Variants in PPP1R1C observed in about 807,000 individuals in gnomAD.
PPP1R1C encodes the protein protein phosphatase 1 regulatory subunit 1C.
In PPP1R1C, 15 loss-of-function variants were observed where a neutral mutation model predicts 17.4. The observed-to-expected ratio is 0.86, with a 90% CI of 0.58 to 1.33. The LOEUF (loss-of-function observed/expected upper bound fraction) is 1.33, where lower values mean the gene tolerates loss of function less well. PPP1R1C is among the 40% of genes most tolerant of loss of function. PPP1R1C has a pLI of 0.00. For missense variants in PPP1R1C, 143 were observed against 130.0 expected (o/e 1.10, Z -0.48); for synonymous variants, 35 against 43.1 (o/e 0.81, Z 0.73).
intron 1 of PPP1R1C, among the ~76,000 whole-genome samples, chr2:181,974,404 A>T (rs1685061874): frequency 6.6e-6 from 1 of 152,226 alleles, no homozygotes; most frequent in South Asian, 2.1e-4. Flanking sequence ...ATTTCACAAA[A>T]CAACCAGAAA....
intron 4 of PPP1R1C, among the ~76,000 whole-genome samples, chr2:182,077,971 G>A (rs891386283): frequency 6.6e-6 from 1 of 152,192 alleles, no homozygotes; most frequent in Non-Finnish European, 1.5e-5. Flanking sequence ...GAGATCAGGA[G>A]TTTGAGACCA....
At chr2:181,956,301 A>G (rs1469602204) in intron 1 of PPP1R1C, among the ~76,000 whole-genome samples, 1 of 152,140 alleles carries the variant, frequency 6.6e-6, no homozygotes, top group African/African-American at 2.4e-5. Flanking sequence ...TCTATCATTG[A>G]TGGGCATTTG....
chr2:182,065,356 T>A (rs1687957210), intron 4 of PPP1R1C, among the ~76,000 whole-genome samples: 1 of 152,148 alleles, frequency 6.6e-6, no homozygotes, highest in African/African-American at 2.4e-5. Flanking sequence ...GGTTTACCTG[T>A]CCCTAAGAGC....
intron 2 of PPP1R1C, among the ~76,000 whole-genome samples, chr2:182,018,926 T>C (rs1686337373): frequency 6.6e-6 from 1 of 152,244 alleles, no homozygotes; most frequent in African/African-American, 2.4e-5. Context: ...GTATGGATAA[T>C]TGGGTAATTA....
At chr2:181,968,211 A>G (rs1684940396) in intron 1 of PPP1R1C, among the ~76,000 whole-genome samples, 1 of 152,166 alleles carries the variant, frequency 6.6e-6, no homozygotes, top group Admixed American at 6.5e-5. Context: ...TTTTGGGACC[A>G]TTTGGTCTGT....
intron 1 of PPP1R1C, among the ~76,000 whole-genome samples, chr2:181,955,732 A>C (rs1053967965): frequency 3.9e-5 from 6 of 152,200 alleles, no homozygotes; most frequent in Non-Finnish European, 8.8e-5. Context: ...CTTATACACT[A>C]TCTTTTTCAT....
chr2:181,994,302 GA>G (rs1367152410), intron 2 of PPP1R1C, among the ~76,000 whole-genome samples: 1 of 151,552 alleles, frequency 6.6e-6, no homozygotes. Flanking sequence ...TATGTAGAAA[GA>G]AAAAAAATGT....
upstream of PPP1R1C, among the ~76,000 whole-genome samples, chr2:181,983,766 T>C (rs2125137960): frequency 1.3e-5 from 2 of 152,296 alleles, no homozygotes; most frequent in East Asian, 3.9e-4. Flanking sequence ...TTATGATAAA[T>C]AGAGTTATGC....
chr2:182,031,123 A>T (rs1329102904), intron 2 of PPP1R1C: 1 of 156,098 alleles, frequency 6.4e-6, no homozygotes, highest in African/African-American at 2.4e-5. Flanking sequence ...GGCACTCCCT[A>T]GTGAGATGAA....
chr2:182,052,749 C>T (rs1687564228), intron 2 of PPP1R1C, among the ~76,000 whole-genome samples: 1 of 152,136 alleles, frequency 6.6e-6, no homozygotes, highest in Admixed American at 6.5e-5. Flanking sequence ...GTGTTTTAAC[C>T]TTTTGTTGTA....
At chr2:182,088,658 C>T (rs1224912623) in intron 4 of PPP1R1C, among the ~76,000 whole-genome samples, 2 of 152,136 alleles carry the variant, frequency 1.3e-5, no homozygotes, top group Non-Finnish European at 2.9e-5. Context: ...TGGCAGTTTT[C>T]TTATCACTTG....
intron 4 of PPP1R1C, among the ~76,000 whole-genome samples, chr2:182,080,971 G>A (rs1338695958): frequency 2.0e-5 from 3 of 152,070 alleles, no homozygotes; most frequent in Admixed American, 2.0e-4. Flanking sequence ...CCTCATCCAT[G>A]GTCAAGAAAT....
intron 4 of PPP1R1C, among the ~76,000 whole-genome samples, chr2:182,071,457 G>T (rs887644324): frequency 2.6e-5 from 4 of 152,188 alleles, no homozygotes; most frequent in African/African-American, 9.7e-5. Context: ...TACCAATATG[G>T]TTTATCGCTG....
At chr2:182,014,945 T>C (rs1686213608) in intron 2 of PPP1R1C, among the ~76,000 whole-genome samples, 2 of 152,140 alleles carry the variant, frequency 1.3e-5, no homozygotes, top group Admixed American at 1.3e-4. Context: ...TTCAGGGCAG[T>C]GTGGGCTCCC....
chr2:182,071,801 G>A (rs1288668657), intron 4 of PPP1R1C, among the ~76,000 whole-genome samples: 1 of 152,108 alleles, frequency 6.6e-6, no homozygotes, highest in African/African-American at 2.4e-5. Flanking sequence ...TGCTCAAATA[G>A]TTCCTGTTTT....
chr2:181,996,767 T>C (rs1685623948), intron 2 of PPP1R1C, among the ~76,000 whole-genome samples: 1 of 152,198 alleles, frequency 6.6e-6, no homozygotes, highest in African/African-American at 2.4e-5. Flanking sequence ...AGAATTACAC[T>C]CTTTACATAT....
At chr2:182,039,144 C>A (rs974395519) in intron 2 of PPP1R1C, among the ~76,000 whole-genome samples, 1 of 152,134 alleles carries the variant, frequency 6.6e-6, no homozygotes, top group Non-Finnish European at 1.5e-5. Context: ...AAGTATTGAT[C>A]TTCTTTTCTA....
Position 182,117,566 on chromosome 2 carries a change from G to A in PPP1R1C, c.*271G>A. 3.1e-6 allele frequency: 1 copy of A among 322,398 alleles called. No individual in the cohort carries two copies. 20.0% of individuals were successfully genotyped at this position (322,398 alleles called of 1,614,324 possible). On this transcript the variant is annotated 3_prime_UTR_variant, in exon 5 of 5. Coordinates refer to ENST00000682840, the MANE Select transcript of PPP1R1C (RefSeq NM_001080545.3). ...TGTAAAAATTTGCATACATGTGACT[G>A]TTCTAACTTTAATACTGCCAGAGCT...
At chr2:182,023,172 T>C (rs79669828) in intron 2 of PPP1R1C, among the ~76,000 whole-genome samples, 9,012 of 152,246 alleles carry the variant, frequency 0.059, 920 homozygotes, top group African/African-American at 0.2. Flanking sequence ...AAAATTTATT[T>C]GTCAATGCTC....
Sources: gnomAD v4.1 joint callset for allele counts (sites outside exome capture counted in the v4.1 genomes callset) on GRCh38, gnomAD v4.1.1 for gene constraint, MANE v1.5 for transcripts, NCBI Gene and HGNC (gene_info 2026-07-23, HGNC 2026-07-21) for gene names.